Variants in SUPT3H observed in about 807,000 individuals in gnomAD.
SUPT3H encodes SPT3 homolog, SAGA and STAGA complex component, also known as transcription initiation protein SPT3 homolog.
SUPT3H carries 44 observed loss-of-function variants against 44.3 expected under a neutral mutation model. That is an observed-to-expected ratio of 0.99 (90% CI 0.78 to 1.28). The LOEUF is 1.28. Among genes scored for constraint, SUPT3H ranks in the 50% most tolerant of loss-of-function variants. SUPT3H has a pLI of 0.00. For synonymous variants in SUPT3H, 124 were observed against 125.6 expected (o/e 0.99, Z 0.09); for missense variants, 380 against 387.1 (o/e 0.98, Z 0.15).
intron 2 of SUPT3H, among the ~76,000 whole-genome samples, chr6:45,287,305 G>T (rs561246897): frequency 6.6e-6 from 1 of 151,802 alleles, no homozygotes; most frequent in Non-Finnish European, 1.5e-5. Flanking sequence ...GCTGATATCG[G>T]TACTCTGATG....
intron 2 of SUPT3H, among the ~76,000 whole-genome samples, chr6:45,109,041 A>C (rs1196273484): frequency 6.6e-6 from 1 of 152,192 alleles, no homozygotes; most frequent in Non-Finnish European, 1.5e-5. Flanking sequence ...TTAAAAGTAA[A>C]TATAAATTGG....
At position 44,897,741 on chromosome 6, in the gene SUPT3H, C is replaced by T. The variant is rs559711666; in HGVS notation, c.912+34912G>A. ...AACAGCGAGCAAAGGTGACCCAGAC[C>T]CTGCTTCTGGAGGGAGCTCAAGTTC... is the stretch of plus-strand genomic sequence containing the variant. On this transcript the variant is annotated intron_variant, in intron 10 of 10. Transcript: ENST00000371459. Among the ~76,000 whole-genome samples the T allele has an allele frequency of 5.2e-4, 79 of 152,236 alleles. 1 individual carries two copies. The highest frequency in any genetic ancestry group is 1.9e-3 in the African/African-American group (78 of 41,550).
chr6:45,324,276 A>G, intron 2 of SUPT3H, among the ~76,000 whole-genome samples: 1 of 152,092 alleles, frequency 6.6e-6, no homozygotes, highest in Non-Finnish European at 1.5e-5. Context: ...TGTTAATACT[A>G]TGTGAACAAT....
At chr6:45,276,814 A>G (rs1382602289) in intron 2 of SUPT3H, among the ~76,000 whole-genome samples, 1 of 152,200 alleles carries the variant, frequency 6.6e-6, no homozygotes, top group Non-Finnish European at 1.5e-5. Flanking sequence ...CACATGACCA[A>G]TGAGGACTTA....
chr6:45,210,205 T>C (rs1458402603), intron 2 of SUPT3H, among the ~76,000 whole-genome samples: 1 of 152,130 alleles, frequency 6.6e-6, no homozygotes, highest in Admixed American at 6.6e-5. Context: ...AAATCTGCCA[T>C]CCATTTTATT....
At position 44,828,968 on chromosome 6, in the gene SUPT3H, C is replaced by G. The variant is rs547460801; in HGVS notation, c.*848G>C. 2 of 152,556 alleles carry G rather than the reference C, an allele frequency of 1.3e-5. No homozygotes were observed. The highest frequency in any genetic ancestry group is 4.8e-5 in the African/African-American group (2 of 41,428). 9.5% of individuals were successfully genotyped at this position (152,556 alleles called of 1,614,324 possible). On this transcript the variant is annotated 3_prime_UTR_variant, in exon 11 of 11. Transcript: ENST00000371459. ...AAGTATAGATGCCAGAAGGGTAGCT[C>G]GGCTGCTAACAGCAAGAAATTACCC... is the stretch of plus-strand genomic sequence containing the variant.
intron 2 of SUPT3H, among the ~76,000 whole-genome samples, chr6:45,263,131 G>A (rs1774662687): frequency 6.6e-6 from 1 of 152,086 alleles, no homozygotes; most frequent in South Asian, 2.1e-4. Context: ...TCCCACTACT[G>A]GATATATACC....
intron 2 of SUPT3H, among the ~76,000 whole-genome samples, chr6:45,241,369 C>T (rs1486046394): frequency 1.3e-5 from 2 of 152,194 alleles, no homozygotes; most frequent in Non-Finnish European, 2.9e-5. Flanking sequence ...CAGAAAACCA[C>T]TTAAAGGCGT....
chr6:45,152,127 C>T (rs1807056436), intron 2 of SUPT3H, among the ~76,000 whole-genome samples: 1 of 152,066 alleles, frequency 6.6e-6, no homozygotes, highest in African/African-American at 2.4e-5. Flanking sequence ...CCACTGCTAA[C>T]TTGGTATCAT....
intron 6 of SUPT3H, among the ~76,000 whole-genome samples, chr6:45,003,136 C>T (rs1782229710): frequency 6.6e-6 from 1 of 151,974 alleles, no homozygotes; most frequent in Non-Finnish European, 1.5e-5. Flanking sequence ...TAAGACATAT[C>T]CAGGGAATCC....
At chr6:45,045,299 G>A (rs1342607697) in intron 3 of SUPT3H, among the ~76,000 whole-genome samples, 2 of 152,064 alleles carry the variant, frequency 1.3e-5, no homozygotes, top group Non-Finnish European at 2.9e-5. Context: ...TTCCTCCTCA[G>A]GAACTTCATC....
Position 44,902,148 on chromosome 6 carries a change from G to A in SUPT3H, c.912+30505C>T, listed in dbSNP as rs1446370613. Among the ~76,000 whole-genome samples the A allele has an allele frequency of 2.6e-5, 4 of 152,148 alleles. No homozygotes were observed. The East Asian group carries it at 5.8e-4, about 22-fold the overall frequency. ...CAAAATCACCAGCTAACATCATAAT[G>A]ACATGATGAAATTCACACATAACAA... On this transcript the variant is annotated intron_variant, in intron 10 of 10. Transcript: ENST00000371459.
intron 10 of SUPT3H, among the ~76,000 whole-genome samples, chr6:44,900,967 T>G (rs538028535): frequency 6.6e-6 from 1 of 152,288 alleles, no homozygotes; most frequent in East Asian, 1.9e-4. Flanking sequence ...GGGTCCTGAC[T>G]GTTAGAAGGA....
At chr6:45,049,065 T>G (rs915351506) in intron 3 of SUPT3H, among the ~76,000 whole-genome samples, 3 of 151,946 alleles carry the variant, frequency 2.0e-5, no homozygotes, top group African/African-American at 7.2e-5. Context: ...ATATGTGAAG[T>G]AATACATATA....
At chr6:45,003,870 A>T in intron 5 of SUPT3H, 78 bp from the exon 6 acceptor site, 1 of 1,458,296 alleles carries the variant, frequency 6.9e-7, no homozygotes, top group Non-Finnish European at 9.3e-7. Flanking sequence ...CATGTATTAA[A>T]TATAGTATAC....
chr6:45,038,120 CAATG>C, intron 3 of SUPT3H, among the ~76,000 whole-genome samples: 1 of 152,112 alleles, frequency 6.6e-6, no homozygotes, highest in Non-Finnish European at 1.5e-5. Context: ...CATGACAAAT[CAATG>C]AAAGATAAAA....
intron 2 of SUPT3H, among the ~76,000 whole-genome samples, chr6:45,194,788 T>A (rs1213180096): frequency 6.6e-6 from 1 of 152,148 alleles, no homozygotes; most frequent in East Asian, 1.9e-4. Flanking sequence ...TTTCTTACAG[T>A]CATTTAAATC....
intron 10 of SUPT3H, among the ~76,000 whole-genome samples, chr6:44,858,801 G>A (rs929869272): frequency 6.6e-6 from 1 of 152,140 alleles, no homozygotes; most frequent in Non-Finnish European, 1.5e-5. Context: ...TCCTATGGCT[G>A]TCTAGGACTT....
chr6:45,107,171 T>C (rs1334204923), intron 2 of SUPT3H, among the ~76,000 whole-genome samples: 3 of 152,108 alleles, frequency 2.0e-5, no homozygotes, highest in Admixed American at 2.0e-4. Context: ...AAATGCACAA[T>C]AATATATTTA....
Sources: allele counts gnomAD v4.1 joint callset (sites outside exome capture counted in the v4.1 genomes callset), GRCh38; gene constraint gnomAD v4.1.1; transcripts MANE v1.5; gene names NCBI Gene and HGNC (gene_info 2026-07-23, HGNC 2026-07-21).